The following TTC29 variants were observed in gnomAD, a reference collection of about 807,000 sequenced individuals.
TTC29 encodes the protein tetratricopeptide repeat protein 29.
Under a neutral mutation model 58.1 loss-of-function variants are expected in TTC29, and 49 were observed. That is an observed-to-expected ratio of 0.84 (90% CI 0.67 to 1.07). The LOEUF is 1.07. TTC29 is among the 50% of genes least tolerant of loss of function. The pLI is 0.00. For missense variants in TTC29, 582 were observed against 555.6 expected (o/e 1.05, Z -0.48); for synonymous variants, 209 against 196.8 (o/e 1.06, Z -0.52).
intron 6 of TTC29, among the ~76,000 whole-genome samples, chr4:146,878,146 G>C (rs569072479): frequency 6.6e-6 from 1 of 152,138 alleles, no homozygotes; most frequent in Non-Finnish European, 1.5e-5. Context: ...CAGGACACTG[G>C]TTTCAGCTGG....
At chr4:146,855,655 G>A (rs1729796553) in intron 8 of TTC29, among the ~76,000 whole-genome samples, 1 of 151,996 alleles carries the variant, frequency 6.6e-6, no homozygotes, top group Non-Finnish European at 1.5e-5. Context: ...TTGTTATTGT[G>A]CACCAATTAT....
At chr4:146,823,027 C>G (rs1327527419) in intron 9 of TTC29, among the ~76,000 whole-genome samples, 1 of 151,794 alleles carries the variant, frequency 6.6e-6, no homozygotes, top group African/African-American at 2.4e-5. Flanking sequence ...GGGTGGATTG[C>G]AAAAGTGTTC....
At chr4:146,932,509 A>T (rs1735416125) in intron 4 of TTC29, among the ~76,000 whole-genome samples, 1 of 152,216 alleles carries the variant, frequency 6.6e-6, no homozygotes, top group African/African-American at 2.4e-5. Flanking sequence ...AAGAATTATG[A>T]AATATTGTAT....
At chr4:146,834,215 C>T (rs139863125) in intron 8 of TTC29, among the ~76,000 whole-genome samples, 16 of 152,102 alleles carry the variant, frequency 1.1e-4, no homozygotes, top group African/African-American at 2.9e-4. Flanking sequence ...TTTTAAAATA[C>T]GGGATTATTA....
chr4:146,805,093 G>C (rs1247239646), intron 10 of TTC29, among the ~76,000 whole-genome samples: 1 of 152,188 alleles, frequency 6.6e-6, no homozygotes, highest in Non-Finnish European at 1.5e-5. Flanking sequence ...CAGGCAAACA[G>C]GGTCTGGAGT....
At chr4:146,816,910 A>T (rs1751447902) in intron 10 of TTC29, among the ~76,000 whole-genome samples, 1 of 152,196 alleles carries the variant, frequency 6.6e-6, no homozygotes, top group Non-Finnish European at 1.5e-5. Flanking sequence ...GGTTAGGAGA[A>T]TGGGTTTGAA....
chr4:146,804,484 G>A (rs1341761057), intron 10 of TTC29, among the ~76,000 whole-genome samples: 1 of 152,148 alleles, frequency 6.6e-6, no homozygotes, highest in Non-Finnish European at 1.5e-5. Context: ...AGATCCACTG[G>A]TTTGAAATTC....
At chr4:146,748,597 A>G (rs1579584188) in intron 11 of TTC29, among the ~76,000 whole-genome samples, 1 of 152,358 alleles carries the variant, frequency 6.6e-6, no homozygotes, top group African/African-American at 2.4e-5. Context: ...AAACTCCTGC[A>G]GTCTCAACCA....
At chr4:146,750,713 A>T (rs767163060) in intron 11 of TTC29, among the ~76,000 whole-genome samples, 1 of 152,208 alleles carries the variant, frequency 6.6e-6, no homozygotes, top group Non-Finnish European at 1.5e-5. Flanking sequence ...AAAACAAAAA[A>T]CTATAGCAGA....
chr4:146,737,590 TGG>T (rs56346604), intron 11 of TTC29, among the ~76,000 whole-genome samples: 1,274 of 93,962 alleles, frequency 0.014, 35 homozygotes, highest in East Asian at 0.087. Flanking sequence ...CTAGTAGCCC[TGG>T]GGGGGGGGGG....
chr4:146,878,449 G>A (rs1047761065), intron 6 of TTC29, among the ~76,000 whole-genome samples: 8 of 152,088 alleles, frequency 5.3e-5, no homozygotes, highest in Non-Finnish European at 1.2e-4. Flanking sequence ...TCCAAAAACT[G>A]GTGAAGTATA....
In TTC29 at chr4:146,803,752, C is replaced by T; in HGVS notation, c.1102-67G>A. ...GTCACCATTTCACATATTTTCTGAC[C>T]TTACCCTGGCATGTCCCACACTGAC... is the stretch of plus-strand genomic sequence containing the variant. On this transcript the variant is annotated intron_variant, in intron 10 of 12. Transcript: ENST00000325106. The T allele has an allele frequency of 2.3e-6, 3 of 1,322,456 alleles. No homozygotes were observed. In the South Asian group the frequency reaches 4.5e-5, roughly 20 times the overall value. The allele number at this position is 1,322,456 out of a possible 1,614,324, so 81.9% of individuals were successfully genotyped here. A position where few individuals can be genotyped will look rare whatever the true frequency, so the allele number is the denominator to read the frequency against.
At chr4:146,921,423 A>T (rs1031164315) in intron 4 of TTC29, among the ~76,000 whole-genome samples, 4 of 151,476 alleles carry the variant, frequency 2.6e-5, no homozygotes, top group Middle Eastern at 3.4e-3. Flanking sequence ...AAACTTTTTT[A>T]AAAAAGTATA....
In TTC29 at chr4:146,909,158, G is replaced by C; in HGVS notation, c.268C>G (p.Arg90Gly). 2.5e-6 allele frequency: 4 copies of C among 1,613,670 alleles called. No homozygotes were observed. The highest frequency in any genetic ancestry group is 3.4e-6 in the Non-Finnish European group (4 of 1,179,798). The change falls in exon 5 of 13, where the codon CGG becomes GGG. Residue 90 changes from arginine (R) to glycine (G), a missense_variant. Arg to Gly is a moderately radical substitution (Grantham distance 125). Coordinates refer to ENST00000325106, the MANE Select transcript of TTC29 (RefSeq NM_031956.4). The part of the protein sequence containing the change: ...SFTELFALME[R>G]WDALREAARV... ...GCAGCCTCCCTCAGGGCATCCCACC[G>C]CTCCATCAGAGCGAAGAGCTCGGTG...
rs75746404 is a variant in TTC29 at position 146,711,664 on chromosome 4, C to T, written c.1331-4113G>A. Among the ~76,000 whole-genome samples the T allele has an allele frequency of 8.5e-3, 1,290 of 152,146 alleles. 8 individuals carry two copies. The highest frequency in any genetic ancestry group is 0.012 in the Non-Finnish European group (831 of 67,986). On this transcript the variant is annotated intron_variant, in intron 11 of 12. Transcript: ENST00000325106. ...GATTGTAACATTATGCTATTATTAA[C>T]GATGAGATGTTTTGTTTTTGTATTT...
chr4:146,892,380 T>TA (rs1280016294), intron 6 of TTC29, among the ~76,000 whole-genome samples: 9 of 152,180 alleles, frequency 5.9e-5, no homozygotes, highest in African/African-American at 2.2e-4. Flanking sequence ...TGGTTCAACA[T>TA]ACGCAAATCA....
chr4:146,822,112 ATTTTCT>A (rs1751883886), intron 9 of TTC29, among the ~76,000 whole-genome samples: 1 of 113,728 alleles, frequency 8.8e-6, no homozygotes, highest in Non-Finnish European at 1.7e-5. Flanking sequence ...TTCAGAAAGT[ATTTTCT>A]TTTAAAAAAA....
chr4:146,826,937 T>C (rs1259259435), intron 9 of TTC29, among the ~76,000 whole-genome samples: 3 of 151,878 alleles, frequency 2.0e-5, no homozygotes, highest in Non-Finnish European at 2.9e-5. Context: ...CATGCTGTGT[T>C]TTTCAGCTCC....
At chr4:146,936,534 T>C (rs1441165310) in intron 4 of TTC29, among the ~76,000 whole-genome samples, 1 of 152,112 alleles carries the variant, frequency 6.6e-6, no homozygotes, top group Non-Finnish European at 1.5e-5. Flanking sequence ...ATCATCAGAA[T>C]AGCATTTAGC....
Sources: gnomAD v4.1 joint callset for allele counts (sites outside exome capture counted in the v4.1 genomes callset) on GRCh38, gnomAD v4.1.1 for gene constraint, MANE v1.5 for transcripts, NCBI Gene and HGNC (gene_info 2026-07-23, HGNC 2026-07-21) for gene names.